MAF: variants seen among roughly 807,000 people sequenced by gnomAD.
The protein encoded by MAF is MAF bZIP transcription factor.
In MAF, 10 loss-of-function variants were observed where a neutral mutation model predicts 22.0. The ratio of observed to expected loss-of-function variants is 0.45; its 90% CI spans 0.28 to 0.77. The LOEUF (loss-of-function observed/expected upper bound fraction) is 0.77, where lower values mean the gene tolerates loss of function less well. Among genes scored for constraint, MAF ranks in the 30% least tolerant of loss-of-function variants. MAF has a pLI of 0.12. For missense variants in MAF, 544 were observed against 548.4 expected (o/e 0.99, Z 0.08); for synonymous variants, 337 against 255.8 (o/e 1.32, Z -3.03).
chr16:79,355,757 A>G, the MAF span, among the ~76,000 whole-genome samples: 9 of 152,278 alleles, frequency 5.9e-5, no homozygotes, highest in Non-Finnish European at 1.2e-4. Flanking sequence ...AGAGATAGGA[A>G]CAGATCAACT....
the MAF span, among the ~76,000 whole-genome samples, chr16:79,524,199 G>C: frequency 6.6e-6 from 1 of 152,188 alleles, no homozygotes; most frequent in Admixed American, 6.5e-5. Context: ...CAACGGGAGA[G>C]CAGGAGGCCT....
At position 79,599,929 on chromosome 16, in the gene MAF, C is replaced by CGCT. The variant is rs1373632032; in HGVS notation, c.-28_-27insAGC. The CGCT allele has an allele frequency of 2.5e-6, 4 of 1,593,972 alleles. No homozygotes were observed. The highest frequency in any genetic ancestry group is 2.5e-6 in the Non-Finnish European group (3 of 1,176,488). ...CTCCTGCCGCCGCCGCCGCCGCCGC[C>CGCT]GCCGCTCCGCCAGATGGGCTGCAGG... On this transcript the variant is annotated 5_prime_UTR_variant, in exon 1 of 2. Coordinates refer to ENST00000326043, the MANE Select transcript of MAF (RefSeq NM_005360.5).
chr16:79,275,130 T>G, the MAF span, among the ~76,000 whole-genome samples: 1 of 151,958 alleles, frequency 6.6e-6, no homozygotes, highest in Admixed American at 6.6e-5. Flanking sequence ...CTGAGGCAGG[T>G]GGATCACTTG....
At chr16:79,316,177 CT>C in the MAF span, among the ~76,000 whole-genome samples, 1 of 152,334 alleles carries the variant, frequency 6.6e-6, no homozygotes, top group South Asian at 2.1e-4. Flanking sequence ...AAAATGCGAG[CT>C]TTTTCCATTT....
chr16:79,540,656 G>C, the MAF span, among the ~76,000 whole-genome samples: 1 of 152,334 alleles, frequency 6.6e-6, no homozygotes, highest in South Asian at 2.1e-4. Flanking sequence ...GCATGCCGGG[G>C]AGATGGCAGA....
the MAF span, among the ~76,000 whole-genome samples, chr16:79,518,175 G>A: frequency 6.6e-6 from 1 of 152,212 alleles, no homozygotes; most frequent in Non-Finnish European, 1.5e-5. Context: ...ATTTTGAGAG[G>A]ATAAATCATT....
At chr16:79,338,549 A>T in the MAF span, among the ~76,000 whole-genome samples, 1 of 152,160 alleles carries the variant, frequency 6.6e-6, no homozygotes, top group East Asian at 1.9e-4. Context: ...CAAAAAGAAC[A>T]ATCGTGTTGA....
chr16:79,529,606 G>C, the MAF span, among the ~76,000 whole-genome samples: 1 of 152,194 alleles, frequency 6.6e-6, no homozygotes, highest in African/African-American at 2.4e-5. Context: ...GTCAGCAGGT[G>C]TTTGACATTC....
chr16:79,472,907 G>C, the MAF span, among the ~76,000 whole-genome samples: 1 of 152,016 alleles, frequency 6.6e-6, no homozygotes, highest in Non-Finnish European at 1.5e-5. Flanking sequence ...TGGGTAGTCA[G>C]TGATTGAATG....
chr16:79,594,825 C>G, intron 1 of MAF: 1 of 1,249,986 alleles, frequency 8.0e-7, no homozygotes, highest in East Asian at 3.5e-5. Flanking sequence ...CAGCCAGCCA[C>G]TCAAACCTCA....
chr16:79,561,364 G>A, the MAF span, among the ~76,000 whole-genome samples: 2 of 149,168 alleles, frequency 1.3e-5, no homozygotes, highest in South Asian at 2.1e-4. Context: ...TGTGCACAAC[G>A]TGCAGGTTAG....
chr16:79,382,228 G>C, the MAF span, among the ~76,000 whole-genome samples: 2 of 152,158 alleles, frequency 1.3e-5, no homozygotes, highest in South Asian at 4.1e-4. Context: ...GCCGATCTAA[G>C]AATTTCACCT....
At chr16:79,586,793 A>G (rs1912869854) in intron 1 of MAF, among the ~76,000 whole-genome samples, 1 of 152,240 alleles carries the variant, frequency 6.6e-6, no homozygotes, top group African/African-American at 2.4e-5. Context: ...TAGTCACAAT[A>G]TAGAAGTTCG....
At chr16:79,524,589 T>C in the MAF span, among the ~76,000 whole-genome samples, 2 of 152,210 alleles carry the variant, frequency 1.3e-5, no homozygotes, top group Non-Finnish European at 2.9e-5. Context: ...TTGCACTTGG[T>C]TGCATTATAC....
At chr16:79,350,517 T>C in the MAF span, among the ~76,000 whole-genome samples, 2 of 152,190 alleles carry the variant, frequency 1.3e-5, no homozygotes, top group African/African-American at 4.8e-5. Context: ...CCAGCCCCCT[T>C]TGCAGTTAAA....
At chr16:79,270,802 G>C in the MAF span, among the ~76,000 whole-genome samples, 2 of 152,038 alleles carry the variant, frequency 1.3e-5, no homozygotes, top group Non-Finnish European at 2.9e-5. Flanking sequence ...GGCTTGGGAG[G>C]TCACCATGCA....
the MAF span, among the ~76,000 whole-genome samples, chr16:79,400,270 G>GGGGTGGTA: frequency 6.6e-6 from 1 of 152,266 alleles, no homozygotes; most frequent in East Asian, 1.9e-4. Flanking sequence ...TTTGTGGCTT[G>GGGGTGGTA]GGGTGGTAGG....
chr16:79,210,143 G>A, the MAF span, among the ~76,000 whole-genome samples: 12 of 152,200 alleles, frequency 7.9e-5, no homozygotes, highest in East Asian at 3.9e-4. Flanking sequence ...TCCACACCCC[G>A]CCCAGAGTCG....
the MAF span, among the ~76,000 whole-genome samples, chr16:79,579,941 A>G: frequency 6.6e-6 from 1 of 152,266 alleles, no homozygotes; most frequent in South Asian, 2.1e-4. Context: ...TCCTACCAAT[A>G]CTTGAGAAAA....
Sources: allele counts gnomAD v4.1 joint callset (sites outside exome capture counted in the v4.1 genomes callset), GRCh38; gene constraint gnomAD v4.1.1; transcripts MANE v1.5; gene names NCBI Gene and HGNC (gene_info 2026-07-23, HGNC 2026-07-21).